The following INPP5A variants were observed in gnomAD, a reference collection of about 807,000 sequenced individuals.
INPP5A encodes the protein inositol polyphosphate-5-phosphatase A, also known as 43 kDa inositol polyphosphate 5-phophatase.
Under a neutral mutation model 65.2 loss-of-function variants are expected in INPP5A, and 14 were observed. The ratio of observed to expected loss-of-function variants is 0.21; its 90% CI spans 0.14 to 0.34. The LOEUF is 0.34. Among genes scored for constraint, INPP5A ranks in the 10% least tolerant of loss-of-function variants. INPP5A has a pLI of 1.00. For synonymous variants in INPP5A, 207 were observed against 208.3 expected (o/e 0.99, Z 0.05); for missense variants, 431 against 545.6 (o/e 0.79, Z 2.09).
At chr10:132,559,651 G>A (rs534053496) in intron 1 of INPP5A, among the ~76,000 whole-genome samples, 1 of 147,158 alleles carries the variant, frequency 6.8e-6, no homozygotes, top group African/African-American at 2.7e-5. Context: ...TACTCAGCAC[G>A]TGTGTTCCAG....
At chr10:132,564,994 AT>A (rs1411152901) in intron 1 of INPP5A, among the ~76,000 whole-genome samples, 3 of 152,252 alleles carry the variant, frequency 2.0e-5, no homozygotes, top group Non-Finnish European at 4.4e-5. Context: ...CCAACAAGCC[AT>A]TCACAGCGCT....
chr10:132,572,359 C>T (rs2071354489), intron 1 of INPP5A, among the ~76,000 whole-genome samples: 1 of 152,226 alleles, frequency 6.6e-6, no homozygotes. Context: ...GAGGCCTTCC[C>T]TGAGCTTCTG....
chr10:132,756,732 A>G (rs975310381), intron 11 of INPP5A, among the ~76,000 whole-genome samples: 1 of 152,252 alleles, frequency 6.6e-6, no homozygotes, highest in Non-Finnish European at 1.5e-5. Flanking sequence ...ACTTAATAAA[A>G]AAAGGTACCT....
intron 4 of INPP5A, among the ~76,000 whole-genome samples, chr10:132,669,899 C>T (rs1315325371): frequency 1.3e-5 from 2 of 152,010 alleles, no homozygotes; most frequent in Admixed American, 6.5e-5. Context: ...TCTCTGTCCT[C>T]AGGGTGCAGC....
rs567560897 is a variant in INPP5A, at chr10:132,724,902, C to T, written c.648-1919C>T. 5.4e-4 allele frequency among the ~76,000 whole-genome samples: 82 copies of T among 150,648 alleles called. 1 individual carries two copies. Among genetic ancestry groups the T allele is most frequent in the Admixed American group, 5.3e-3 (80 of 15,160 alleles). On this transcript the variant is annotated intron_variant, in intron 8 of 15. Transcript: ENST00000368594. ...GGGAGGCCCCAGGATGACAGGAGCACACGCCGTATTCACCACAGACGGGGA... is the reference window on the plus strand; with the variant it reads ...GGGAGGCCCCAGGATGACAGGAGCATACGCCGTATTCACCACAGACGGGGA...
chr10:132,744,984 C>A (rs1199060726), intron 9 of INPP5A, among the ~76,000 whole-genome samples: 1 of 152,158 alleles, frequency 6.6e-6, no homozygotes, highest in Non-Finnish European at 1.5e-5. Context: ...TTGCGAGGCC[C>A]GGGCTGCCCG....
At position 132,775,419 on chromosome 10, in the gene INPP5A, G is replaced by T. The variant is rs1214978536; in HGVS notation, c.978-2252G>T. ...CACTGCTGGGCAGCGTCCAGGCCCC[G>T]CGTCCTGCTGCTCTGCAGCGTGGCC... On this transcript the variant is annotated intron_variant, in intron 12 of 15. Transcript: ENST00000368594. Among the ~76,000 whole-genome samples, 3 of 152,004 alleles carry T rather than the reference G, an allele frequency of 2.0e-5. No individual in the cohort carries two copies. In the East Asian group the frequency reaches 5.8e-4, roughly 29 times the overall value.
chr10:132,575,505 T>C lies in INPP5A; in HGVS notation c.76-32410T>C, dbSNP rs1375148498. 6.6e-6 allele frequency among the ~76,000 whole-genome samples: 1 copy of C among 152,136 alleles called. No individual in the cohort carries two copies. Among genetic ancestry groups the C allele is most frequent in the Non-Finnish European group, 1.5e-5 (1 of 68,012 alleles). ...TAGTAACCAAACCGATCTAACCACA[T>C]TCACAATCATTTGGAAACTGGTGAA... On this transcript the variant is annotated intron_variant, in intron 1 of 15. Transcript: ENST00000368594. The surrounding 1 kb of genome is among the most constrained non-coding windows in gnomAD (Gnocchi z 5.4).
At chr10:132,562,226 C>T (rs895699882) in intron 1 of INPP5A, among the ~76,000 whole-genome samples, 3 of 152,244 alleles carry the variant, frequency 2.0e-5, no homozygotes, top group Non-Finnish European at 4.4e-5. Context: ...ATGACCTCTG[C>T]ACATCACAGG....
At chr10:132,767,571 G>A (rs896098332) in intron 12 of INPP5A, among the ~76,000 whole-genome samples, 17 of 152,192 alleles carry the variant, frequency 1.1e-4, no homozygotes, top group African/African-American at 4.1e-4. Flanking sequence ...CCTGTGGGAG[G>A]TGCAGGAAGC....
intron 9 of INPP5A, among the ~76,000 whole-genome samples, chr10:132,749,043 C>A (rs1846422475): frequency 6.6e-6 from 1 of 152,268 alleles, no homozygotes; most frequent in African/African-American, 2.4e-5. Context: ...GTCAGCTTCA[C>A]CCAGATGAGC....
rs1028478171 is a variant in INPP5A, at chr10:132,644,715, CAG to C, written c.118-1148_118-1147del. ...GTAGCACCACCACCCCGGCACCAGA[CAG>C]AGAGCCCTGTCGGGGCTTGCTCCTT... On this transcript the variant is annotated intron_variant, in intron 2 of 15. Transcript: ENST00000368594. The surrounding 1 kb of genome is among the most constrained non-coding windows in gnomAD (Gnocchi z 6.5). Among the ~76,000 whole-genome samples the C allele has an allele frequency of 6.6e-6, 1 of 152,256 alleles. No individual in the cohort carries two copies. Among genetic ancestry groups the C allele is most frequent in the Non-Finnish European group, 1.5e-5 (1 of 68,046 alleles).
At chr10:132,572,428 G>C (rs904177673) in intron 1 of INPP5A, among the ~76,000 whole-genome samples, 1 of 152,208 alleles carries the variant, frequency 6.6e-6, no homozygotes, top group Non-Finnish European at 1.5e-5. Context: ...GGTTTCTGGG[G>C]GTGGGGCCTT....
At chr10:132,625,542 C>CCTTGAGGCA (rs1360936003) in intron 2 of INPP5A, among the ~76,000 whole-genome samples, 1 of 152,056 alleles carries the variant, frequency 6.6e-6, no homozygotes, top group Non-Finnish European at 1.5e-5. Flanking sequence ...TTTGGGAGCC[C>CCTTGAGGCA]CTTGAGGCAC....
At position 132,546,638 on chromosome 10, in the gene INPP5A, G is replaced by A. The variant is rs1418342080; in HGVS notation, c.75+8467G>A. On this transcript the variant is annotated intron_variant, in intron 1 of 15. Transcript: ENST00000368594. The surrounding 1 kb of genome is among the most constrained non-coding windows in gnomAD (Gnocchi z 5.7). ...CCTTCCCCGCCTCCTTCCCACTCTG[G>A]ATTGTCCTGGGCGTCTCTGTGTGGG... Among the ~76,000 whole-genome samples, 2 of 152,126 alleles carry A rather than the reference G, an allele frequency of 1.3e-5. No homozygotes were observed. The highest frequency in any genetic ancestry group is 2.9e-5 in the Non-Finnish European group (2 of 68,022).
At chr10:132,638,030 C>T (rs565737357) in intron 2 of INPP5A, among the ~76,000 whole-genome samples, 7 of 152,232 alleles carry the variant, frequency 4.6e-5, no homozygotes, top group East Asian at 1.9e-4. Context: ...CAAGTGCATT[C>T]GCTGGCTTTG....
chr10:132,673,134 T>C (rs1325574164), intron 4 of INPP5A, among the ~76,000 whole-genome samples: 1 of 152,168 alleles, frequency 6.6e-6, no homozygotes, highest in African/African-American at 2.4e-5. Context: ...ACCCCAACAG[T>C]GTAACTCCTT....
At chr10:132,632,544 A>G (rs951155707) in intron 2 of INPP5A, among the ~76,000 whole-genome samples, 1 of 152,194 alleles carries the variant, frequency 6.6e-6, no homozygotes, top group African/African-American at 2.4e-5. Flanking sequence ...CCCGCCAGGA[A>G]GGGGTCCAGC....
At chr10:132,722,697 C>G (rs891499971) in intron 8 of INPP5A, among the ~76,000 whole-genome samples, 1 of 152,280 alleles carries the variant, frequency 6.6e-6, no homozygotes, top group Admixed American at 6.5e-5. Context: ...GCTGCTGGGA[C>G]GATGAGGCAG....
Sources: allele counts gnomAD v4.1 joint callset (sites outside exome capture counted in the v4.1 genomes callset), GRCh38; gene constraint gnomAD v4.1.1; non-coding constraint Gnocchi (gnomAD v3.1); transcripts MANE v1.5; gene names NCBI Gene and HGNC (gene_info 2026-07-23, HGNC 2026-07-21).